The following ACOT11 variants were observed in gnomAD, a reference collection of about 807,000 sequenced individuals.
ACOT11 encodes the protein acyl-CoA thioesterase 11, also known as acyl-coenzyme A thioesterase 11.
In ACOT11, 69 loss-of-function variants were observed where a neutral mutation model predicts 77.5. The observed-to-expected ratio is 0.89, with a 90% CI of 0.73 to 1.09. ACOT11 has a LOEUF of 1.09. Among genes scored for constraint, ACOT11 ranks in the 50% least tolerant of loss-of-function variants. The pLI is 0.00. For missense variants in ACOT11, 766 were observed against 813.7 expected (o/e 0.94, Z 0.71); for synonymous variants, 279 against 313.0 (o/e 0.89, Z 1.15).
chr1:54,630,618 G>C (rs112305221), intron 15 of ACOT11: 12 of 526,616 alleles, frequency 2.3e-5, no homozygotes, highest in Non-Finnish European at 3.5e-5. Flanking sequence ...CTGGTTTGCT[G>C]TTAATAAATA....
At chr1:54,563,677 C>T (rs1485804502) in intron 1 of ACOT11, among the ~76,000 whole-genome samples, 4 of 152,130 alleles carry the variant, frequency 2.6e-5, no homozygotes, top group Admixed American at 2.6e-4. Context: ...AGTCCCAGCA[C>T]TTTGGGAGGC....
At chr1:54,571,407 G>A (rs1248482796) in intron 1 of ACOT11, among the ~76,000 whole-genome samples, 1 of 152,228 alleles carries the variant, frequency 6.6e-6, no homozygotes, top group African/African-American at 2.4e-5. Context: ...CTACTTTGCA[G>A]CCAGAGAGCT....
At chr1:54,593,848 G>C in intron 4 of ACOT11, 93 bp from the exon 5 acceptor site, 1 of 1,078,194 alleles carries the variant, frequency 9.3e-7, no homozygotes, top group Non-Finnish European at 1.4e-6. Flanking sequence ...GCCTGGCCTG[G>C]GCTGGGACTT....
At chr1:54,585,748 G>A in intron 2 of ACOT11, 87 bp from the exon 3 acceptor site, 3 of 1,419,266 alleles carry the variant, frequency 2.1e-6, no homozygotes, top group East Asian at 4.7e-5. Flanking sequence ...TGGGCGGCTG[G>A]AGAAGCCTCC....
chr1:54,614,937 C>T (rs1208526860), downstream of ACOT11: 44 of 1,029,104 alleles, frequency 4.3e-5, 1 homozygote, highest in South Asian at 4.7e-4. Flanking sequence ...GAAAGCAGAG[C>T]GGGTGTGTGT....
At chr1:54,562,866 G>A (rs1049137799) in intron 1 of ACOT11, among the ~76,000 whole-genome samples, 4 of 123,478 alleles carry the variant, frequency 3.2e-5, no homozygotes, top group Admixed American at 3.1e-4. Context: ...GGGAAGAGGC[G>A]CTCCTCACTT....
chr1:54,634,829 A>G lies in ACOT11; in HGVS notation c.*100A>G, dbSNP rs1644322194. 1.2e-5 allele frequency: 8 copies of G among 648,470 alleles called. No homozygotes were observed. In the South Asian group the frequency reaches 1.4e-4, roughly 11 times the overall value. The allele number at this position is 648,470 out of a possible 1,614,324, so 40.2% of individuals were successfully genotyped here. On this transcript the variant is annotated 3_prime_UTR_variant, in exon 17 of 17. Coordinates refer to the ACOT11 transcript ENST00000371316. ...GAGACTGACGCTGAGGAGGACTCCA[A>G]CTATCATGAGCAACACCCGTCGAAC...
chr1:54,632,382 A>G (rs891616347), intron 16 of ACOT11, among the ~76,000 whole-genome samples: 2 of 152,238 alleles, frequency 1.3e-5, no homozygotes, highest in African/African-American at 4.8e-5. Context: ...AAGGGTCCCA[A>G]CAGGAGTCTG....
At chr1:54,557,701 G>A (rs1653311759) in intron 1 of ACOT11, among the ~76,000 whole-genome samples, 1 of 152,144 alleles carries the variant, frequency 6.6e-6, no homozygotes, top group Non-Finnish European at 1.5e-5. Flanking sequence ...TATATAGAAA[G>A]ACTACTGACT....
At chr1:54,624,035 A>G (rs2117263) in intron 15 of ACOT11, among the ~76,000 whole-genome samples, 4 of 152,048 alleles carry the variant, frequency 2.6e-5, no homozygotes, top group Non-Finnish European at 4.4e-5. Flanking sequence ...GCATGCTGGC[A>G]TGGGTTACTG....
chr1:54,593,680 G>A (rs1427937776), intron 4 of ACOT11, among the ~76,000 whole-genome samples: 1 of 152,106 alleles, frequency 6.6e-6, no homozygotes, highest in Non-Finnish European at 1.5e-5. Flanking sequence ...AATCCCACAA[G>A]GGTAGGTCTG....
At chr1:54,587,467 C>T (rs1016300901) in intron 3 of ACOT11, among the ~76,000 whole-genome samples, 43 of 150,364 alleles carry the variant, frequency 2.9e-4, no homozygotes, top group African/African-American at 3.9e-4. Context: ...GAGCTGAGGT[C>T]GCACCACTGC....
At chr1:54,616,495 C>G (rs1021210102) in intron 15 of ACOT11, among the ~76,000 whole-genome samples, 1 of 152,064 alleles carries the variant, frequency 6.6e-6, no homozygotes, top group Non-Finnish European at 1.5e-5. Flanking sequence ...GCCTCAGCCT[C>G]CCAAGTAGCT....
At chr1:54,597,802 C>G (rs956238608) in intron 7 of ACOT11, 4 of 205,384 alleles carry the variant, frequency 1.9e-5, no homozygotes, top group Non-Finnish European at 4.0e-5. Context: ...CCTGATGTAG[C>G]CTCCTGCCGT....
At position 54,584,838 on chromosome 1, in the gene ACOT11, A is replaced by G; in HGVS notation, c.217A>G (p.Ile73Val). ...GAGCGTCGGGCAGCTGCTCAAGTGG[A>G]TTGACACCACGGCTTGCCTGTCCGG... ...ELSVGQLLKW[I>V]DTTACLSAER... Residue 73 changes from isoleucine to valine, a missense_variant, in exon 2 of 16, where the codon ATT (isoleucine) becomes GTT (valine). By Grantham distance (29) the Ile-to-Val change is conservative. Transcript: ENST00000343744. This position sits in a 1 kb window ranked among gnomAD's most constrained non-coding sequence, Gnocchi z 6.3. The G allele has an allele frequency of 1.2e-6, 2 of 1,613,854 alleles. No homozygotes were observed. Among genetic ancestry groups the G allele is most frequent in the Non-Finnish European group, 8.5e-7 (1 of 1,179,960 alleles).
chr1:54,615,967 G>T, intron 15 of ACOT11: 1 of 1,587,418 alleles, frequency 6.3e-7, no homozygotes, highest in Non-Finnish European at 8.6e-7. Context: ...TGCACATGCT[G>T]CCCCAGGGCC....
At chr1:54,554,196 A>AC (rs1412887859) in intron 1 of ACOT11, among the ~76,000 whole-genome samples, 3 of 151,232 alleles carry the variant, frequency 2.0e-5, no homozygotes, top group African/African-American at 4.8e-5. Flanking sequence ...AAGAAAACAA[A>AC]AAAAAAAACT....
intron 6 of ACOT11, among the ~76,000 whole-genome samples, chr1:54,595,361 A>G (rs1654861854): frequency 6.6e-6 from 1 of 152,114 alleles, no homozygotes; most frequent in Non-Finnish European, 1.5e-5. Flanking sequence ...TAAATAAATA[A>G]GTATATAGCA....
intron 2 of ACOT11, 96 bp from the exon 3 acceptor site, chr1:54,585,739 G>C: frequency 7.8e-7 from 1 of 1,275,788 alleles, no homozygotes; most frequent in South Asian, 1.3e-5. Flanking sequence ...GCCTTGGCTT[G>C]GGCGGCTGGA....
Sources: allele counts gnomAD v4.1 joint callset (sites outside exome capture counted in the v4.1 genomes callset), GRCh38; gene constraint gnomAD v4.1.1; non-coding constraint Gnocchi (gnomAD v3.1); transcripts MANE v1.5; gene names NCBI Gene and HGNC (gene_info 2026-07-23, HGNC 2026-07-21).